Variants in ME1 observed in about 807,000 individuals in gnomAD.
ME1 encodes the protein NADP-dependent malic enzyme.
ME1 carries 74 observed loss-of-function variants against 66.4 expected under a neutral mutation model. The observed-to-expected ratio is 1.11, with a 90% CI of 0.92 to 1.35. ME1 has a LOEUF of 1.35. Ranked by LOEUF, ME1 falls within the 40% of genes most tolerant of loss-of-function variation. The probability of loss-of-function intolerance (pLI) is 0.00; values close to 1 mark genes in which losing one functional copy is unlikely to be tolerated. For synonymous variants in ME1, 251 were observed against 235.6 expected, an observed-to-expected ratio of 1.07 and a Z score of -0.60; for missense variants, 750 against 694.1, an observed-to-expected ratio of 1.08 and a Z score of -0.90.
chr6:83,405,706 T>TG (rs1270840670), intron 2 of ME1, among the ~76,000 whole-genome samples: 7,588 of 148,254 alleles, frequency 0.051, 424 homozygotes, highest in African/African-American at 0.13. Context: ...TGAGAGTTTT[T>TG]TTTGTTGTTG....
At chr6:83,410,663 C>T (rs979653250) in intron 1 of ME1, among the ~76,000 whole-genome samples, 7 of 152,134 alleles carry the variant, frequency 4.6e-5, no homozygotes, top group South Asian at 2.1e-4. Context: ...AAGCAGTAAA[C>T]TTCTGAGTGT....
At chr6:83,250,351 T>C (rs1319460166) in intron 7 of ME1, among the ~76,000 whole-genome samples, 1 of 151,992 alleles carries the variant, frequency 6.6e-6, no homozygotes, top group African/African-American at 2.4e-5. Context: ...AGAAAAAAAA[T>C]AGAAGCTGTT....
chr6:83,350,758 G>C (rs3778205), intron 4 of ME1, among the ~76,000 whole-genome samples: 1 of 151,778 alleles, frequency 6.6e-6, no homozygotes, highest in Non-Finnish European at 1.5e-5. Flanking sequence ...AAAGTGTTGG[G>C]ATCACAGGCC....
chr6:83,358,212 C>T (rs192498645), intron 3 of ME1, among the ~76,000 whole-genome samples: 31 of 151,658 alleles, frequency 2.0e-4, no homozygotes, highest in African/African-American at 6.3e-4. Flanking sequence ...TAGTCCTTGG[C>T]GTGAACTGTT....
chr6:83,242,297 A>C lies in ME1; in HGVS notation c.815-2661T>G, dbSNP rs370141644. 1.5e-3 allele frequency among the ~76,000 whole-genome samples: 236 copies of C among 152,354 alleles called. 2 individuals carry two copies. Among genetic ancestry groups the C allele is most frequent in the South Asian group, 0.015 (72 of 4,834 alleles). ...TAACAACATATGGTTGTTAAATAAAAGTCTCACCTTTTATCAAAGAATAGC... is the reference window on the plus strand; with the variant it reads ...TAACAACATATGGTTGTTAAATAAACGTCTCACCTTTTATCAAAGAATAGC... On this transcript the variant is annotated intron_variant, in intron 7 of 13. Coordinates refer to ENST00000369705, the MANE Select transcript of ME1 (RefSeq NM_002395.6).
At chr6:83,424,650 G>A (rs1316212078) in intron 1 of ME1, among the ~76,000 whole-genome samples, 1 of 152,158 alleles carries the variant, frequency 6.6e-6, no homozygotes, top group Non-Finnish European at 1.5e-5. Flanking sequence ...TCCAGAAAAT[G>A]TCTACTAAAC....
chr6:83,332,907 A>C (rs1007090288), intron 5 of ME1, among the ~76,000 whole-genome samples: 6 of 152,158 alleles, frequency 3.9e-5, no homozygotes, highest in African/African-American at 1.4e-4. Context: ...CTATTAAAAT[A>C]AAAAATAAAA....
At chr6:83,243,784 A>G (rs1198352232) in intron 7 of ME1, among the ~76,000 whole-genome samples, 7 of 134,406 alleles carry the variant, frequency 5.2e-5, no homozygotes, top group Non-Finnish European at 1.1e-4. Flanking sequence ...ATTTATATAT[A>G]ATTATCTTAT....
At chr6:83,348,002 A>G (rs894532631) in intron 4 of ME1, among the ~76,000 whole-genome samples, 1 of 152,184 alleles carries the variant, frequency 6.6e-6, no homozygotes, top group Non-Finnish European at 1.5e-5. Context: ...TACTTCTAAG[A>G]TATTTTATTT....
chr6:83,419,698 C>T lies in ME1; in HGVS notation c.78+11179G>A, dbSNP rs527798376. The stretch of plus-strand genomic sequence containing the variant: ...TTTTTAAAATATTAAGAACCATTCA[C>T]CTCAATTTTCAAGAATATTACATTC... On this transcript the variant is annotated intron_variant, in intron 1 of 13. Transcript: ENST00000369705. Among the ~76,000 whole-genome samples, 48 of 152,208 alleles carry T rather than the reference C, an allele frequency of 3.2e-4. 1 individual carries two copies. The highest frequency in any genetic ancestry group is 1.1e-3 in the African/African-American group (46 of 41,542).
intron 6 of ME1, among the ~76,000 whole-genome samples, chr6:83,291,274 T>C (rs1767497883): frequency 6.6e-6 from 1 of 152,238 alleles, no homozygotes; most frequent in South Asian, 2.1e-4. Flanking sequence ...TTCCTATCCA[T>C]GTTTAGTGCT....
rs890295563 is a variant in ME1 at position 83,319,349 on chromosome 6, GA to G, written c.601-3937del. ...ATAAAAATAAAAAATAAAAAGATAG[GA>G]AAAAAAACAAAAAAGGAACTGGTCC... On this transcript the variant is annotated intron_variant, in intron 5 of 13. Coordinates refer to ENST00000369705, the MANE Select transcript of ME1 (RefSeq NM_002395.6). 3.3e-5 allele frequency among the ~76,000 whole-genome samples: 5 copies of G among 150,568 alleles called. No individual in the cohort carries two copies. The South Asian group carries it at 8.4e-4, about 25-fold the overall frequency.
chr6:83,315,274 TACTG>T (rs749285994), intron 6 of ME1, 32 bp downstream of exon 6: 14 of 1,252,920 alleles, frequency 1.1e-5, no homozygotes, highest in Admixed American at 1.9e-5. Context: ...ATGTTATTGT[TACTG>T]ACTAAAATAT....
chr6:83,365,047 C>T (rs1051089145), intron 3 of ME1, among the ~76,000 whole-genome samples: 3 of 152,196 alleles, frequency 2.0e-5, no homozygotes, highest in Non-Finnish European at 4.4e-5. Flanking sequence ...AGATTCTCCT[C>T]TCACCTCACT....
At chr6:83,222,303 CAGG>C (rs1359829762) in intron 12 of ME1, among the ~76,000 whole-genome samples, 1 of 152,148 alleles carries the variant, frequency 6.6e-6, no homozygotes, top group Non-Finnish European at 1.5e-5. Flanking sequence ...AAGAAAACGA[CAGG>C]AGAACATTAT....
At chr6:83,228,381 C>G (rs1790238153) in intron 10 of ME1, among the ~76,000 whole-genome samples, 1 of 152,160 alleles carries the variant, frequency 6.6e-6, no homozygotes, top group Admixed American at 6.5e-5. Flanking sequence ...GTCCAGTGCA[C>G]TACAGGATAT....
intron 1 of ME1, among the ~76,000 whole-genome samples, chr6:83,427,044 A>G (rs1436094527): frequency 6.6e-6 from 1 of 152,238 alleles, no homozygotes. Flanking sequence ...AAAAAAATTT[A>G]AAACACAACT....
intron 3 of ME1, among the ~76,000 whole-genome samples, chr6:83,388,424 A>G (rs1187988029): frequency 6.6e-6 from 1 of 152,144 alleles, no homozygotes; most frequent in African/African-American, 2.4e-5. Flanking sequence ...ATATTCCAAT[A>G]TTCTGAAATT....
intron 2 of ME1, among the ~76,000 whole-genome samples, chr6:83,406,872 G>A (rs1447786938): frequency 6.6e-6 from 1 of 151,892 alleles, no homozygotes; most frequent in African/African-American, 2.4e-5. Context: ...TCTTCCTTCA[G>A]TCTTCAGCCT....
Sources: allele counts gnomAD v4.1 joint callset (sites outside exome capture counted in the v4.1 genomes callset), GRCh38; gene constraint gnomAD v4.1.1; transcripts MANE v1.5; gene names NCBI Gene and HGNC (gene_info 2026-07-23, HGNC 2026-07-21).